PDGFC: variants seen among roughly 807,000 people sequenced by gnomAD.
PDGFC encodes platelet derived growth factor C, also known as platelet-derived growth factor C.
PDGFC carries 12 observed loss-of-function variants against 35.5 expected under a neutral mutation model. That is an observed-to-expected ratio of 0.34 (90% CI 0.22 to 0.55). The LOEUF (loss-of-function observed/expected upper bound fraction) is 0.55. PDGFC is among the 20% of genes least tolerant of loss of function. PDGFC has a pLI of 0.91. For missense variants in PDGFC, 322 were observed against 412.4 expected (o/e 0.78, Z 1.90); for synonymous variants, 159 against 148.8 (o/e 1.07, Z -0.50).
chr4:156,792,959 G>A (rs747848394), intron 3 of PDGFC, among the ~76,000 whole-genome samples: 2 of 152,094 alleles, frequency 1.3e-5, no homozygotes, highest in South Asian at 4.1e-4. Flanking sequence ...CTGGAGTGTT[G>A]AATCAGAAAC....
chr4:156,769,387 CTT>C (rs1428991429), intron 4 of PDGFC, among the ~76,000 whole-genome samples: 3 of 151,792 alleles, frequency 2.0e-5, no homozygotes, highest in African/African-American at 4.8e-5. Context: ...TCTTAATTGT[CTT>C]TGATAATTTA....
chr4:156,959,786 T>C (rs895459420), intron 1 of PDGFC, among the ~76,000 whole-genome samples: 2 of 151,920 alleles, frequency 1.3e-5, no homozygotes, highest in African/African-American at 2.4e-5. Flanking sequence ...CAAACAAAGA[T>C]TGCAAGGGAA....
intron 1 of PDGFC, among the ~76,000 whole-genome samples, chr4:156,958,873 A>G (rs909498686): frequency 6.6e-6 from 1 of 152,066 alleles, no homozygotes. Context: ...AAGTAAGACA[A>G]ATGAATCTCA....
intron 2 of PDGFC, among the ~76,000 whole-genome samples, chr4:156,820,490 T>C (rs1732221178): frequency 6.6e-6 from 1 of 152,214 alleles, no homozygotes; most frequent in East Asian, 1.9e-4. Flanking sequence ...TCTGATATAA[T>C]GCTACTGCAT....
intron 4 of PDGFC, among the ~76,000 whole-genome samples, chr4:156,769,454 T>G (rs781258196): frequency 4.6e-5 from 7 of 151,934 alleles, no homozygotes; most frequent in Non-Finnish European, 8.8e-5. Flanking sequence ...AAATTAGAAA[T>G]GTATGTAAAC....
chr4:156,902,511 T>C (rs1236188084), intron 1 of PDGFC, among the ~76,000 whole-genome samples: 1 of 152,224 alleles, frequency 6.6e-6, no homozygotes, highest in African/African-American at 2.4e-5. Context: ...CAATATACCT[T>C]ATTGCTTTCC....
At chr4:156,851,474 A>T (rs1729450602) in intron 1 of PDGFC, among the ~76,000 whole-genome samples, 1 of 152,136 alleles carries the variant, frequency 6.6e-6, no homozygotes, top group Admixed American at 6.5e-5. Context: ...AATGTTGGGG[A>T]GAGAATTGAG....
At chr4:156,832,039 T>A (rs912240763) in intron 2 of PDGFC, among the ~76,000 whole-genome samples, 3 of 151,914 alleles carry the variant, frequency 2.0e-5, no homozygotes, top group South Asian at 2.1e-4. Context: ...TCTTTTAAAA[T>A]TTTTTTTCTA....
chr4:156,844,356 A>C (rs1321839026), intron 2 of PDGFC, among the ~76,000 whole-genome samples: 1 of 152,188 alleles, frequency 6.6e-6, no homozygotes, highest in African/African-American at 2.4e-5. Flanking sequence ...AGAAAAGAAA[A>C]ATGGAATAAG....
At chr4:156,859,592 T>C (rs184297363) in intron 1 of PDGFC, among the ~76,000 whole-genome samples, 2 of 152,204 alleles carry the variant, frequency 1.3e-5, no homozygotes, top group African/African-American at 4.8e-5. Flanking sequence ...AAACAAAATA[T>C]GCTCGTGAAC....
At chr4:156,853,846 C>T (rs1729509657) in intron 1 of PDGFC, among the ~76,000 whole-genome samples, 1 of 151,968 alleles carries the variant, frequency 6.6e-6, no homozygotes, top group Admixed American at 6.6e-5. Flanking sequence ...GCCTTCAGTC[C>T]CAGCTACTTG....
intron 1 of PDGFC, among the ~76,000 whole-genome samples, chr4:156,884,922 C>T (rs1037725760): frequency 6.6e-6 from 1 of 152,138 alleles, no homozygotes; most frequent in Admixed American, 6.6e-5. Context: ...AACATGGCAT[C>T]CAGTCTATCA....
chr4:156,862,540 T>A (rs866720716), intron 1 of PDGFC, among the ~76,000 whole-genome samples: 1 of 152,158 alleles, frequency 6.6e-6, no homozygotes, highest in Non-Finnish European at 1.5e-5. Flanking sequence ...TTAATATTGC[T>A]TGTTGCCATG....
chr4:156,864,372 T>C (rs1228321831), intron 1 of PDGFC, among the ~76,000 whole-genome samples: 1 of 152,168 alleles, frequency 6.6e-6, no homozygotes, highest in Non-Finnish European at 1.5e-5. Context: ...CACCATGATA[T>C]ATGAGATCCC....
chr4:156,799,178 A>C (rs1731529574), intron 3 of PDGFC, among the ~76,000 whole-genome samples: 1 of 152,198 alleles, frequency 6.6e-6, no homozygotes, highest in Admixed American at 6.5e-5. Context: ...TTGCCTGAAT[A>C]ATTACTTGTG....
At chr4:156,824,974 G>A (rs1228115925) in intron 2 of PDGFC, among the ~76,000 whole-genome samples, 2 of 152,156 alleles carry the variant, frequency 1.3e-5, no homozygotes, top group Non-Finnish European at 2.9e-5. Flanking sequence ...ACAGTTCATA[G>A]ACATAATGCC....
chr4:156,792,858 T>G (rs1428549075), intron 3 of PDGFC, among the ~76,000 whole-genome samples: 5 of 152,172 alleles, frequency 3.3e-5, no homozygotes, highest in African/African-American at 1.2e-4. Flanking sequence ...CCCTGAAAAC[T>G]TAAAGATTTC....
intron 3 of PDGFC, chr4:156,779,009 T>A (rs537695721): frequency 2.8e-6 from 1 of 354,980 alleles, no homozygotes; most frequent in East Asian, 8.0e-5. Context: ...ATGTCCAGCC[T>A]TGGGTAACAT....
At position 156,821,195 on chromosome 4, in the gene PDGFC, A is replaced by G. The variant is rs62331498; in HGVS notation, c.315-10178T>C. ...TGTGTGTGTGTGTGTGTGTGTGTGT[A>G]TGTGTGTGTGTGTGTGAATGTGTGT... On this transcript the variant is annotated intron_variant, in intron 2 of 5. Coordinates refer to ENST00000502773, the MANE Select transcript of PDGFC (RefSeq NM_016205.3). Among the ~76,000 whole-genome samples the G allele has an allele frequency of 7.6e-3, 955 of 126,216 alleles. 5 individuals are homozygous for G. Among genetic ancestry groups the G allele is most frequent in the African/African-American group, 0.031 (858 of 27,494 alleles). The allele number at this position is 126,216 out of a possible 152,430, so 82.8% of individuals were successfully genotyped here. A position where few individuals can be genotyped will look rare whatever the true frequency, so the allele number is the denominator to read the frequency against.
Sources: gnomAD v4.1 joint callset for allele counts (sites outside exome capture counted in the v4.1 genomes callset) on GRCh38, gnomAD v4.1.1 for gene constraint, MANE v1.5 for transcripts, NCBI Gene and HGNC (gene_info 2026-07-23, HGNC 2026-07-21) for gene names.